SLC12A1: variants seen among roughly 807,000 people sequenced by gnomAD.
The protein encoded by SLC12A1 is solute carrier family 12 member 1, also known as Na-K-2Cl cotransporter.
A neutral mutation model predicts 130.4 loss-of-function variants in SLC12A1; 89 were observed. The ratio of observed to expected loss-of-function variants is 0.68; its 90% CI spans 0.58 to 0.81. The LOEUF (loss-of-function observed/expected upper bound fraction) is 0.81, where lower values mean the gene tolerates loss of function less well. Ranked by LOEUF, SLC12A1 falls within the 40% of genes least tolerant of loss-of-function variation. The pLI is 0.00. For synonymous variants in SLC12A1, 499 were observed against 460.0 expected (o/e 1.08, Z -1.09); for missense variants, 1,310 against 1,336.4 (o/e 0.98, Z 0.31).
chr15:48,210,997 T>G (rs1274540966), intron 2 of SLC12A1, among the ~76,000 whole-genome samples: 2 of 152,182 alleles, frequency 1.3e-5, no homozygotes, highest in African/African-American at 4.8e-5. Context: ...AAGACTGAAC[T>G]TCGACTTAAA....
chr15:48,225,311 A>G (rs1239103381), intron 4 of SLC12A1: 1 of 152,202 alleles, frequency 6.6e-6, no homozygotes, highest in Non-Finnish European at 1.5e-5. Flanking sequence ...CTCCACCTCT[A>G]TGTGACCAAA....
chr15:48,231,569 G>A (rs577584571), intron 7 of SLC12A1, among the ~76,000 whole-genome samples: 28 of 151,984 alleles, frequency 1.8e-4, no homozygotes, highest in Admixed American at 3.3e-4. Flanking sequence ...TTAACCTCTC[G>A]GTGCTTCAGT....
intron 4 of SLC12A1, chr15:48,224,016 G>GCC (rs1302965852): frequency 6.6e-6 from 1 of 152,354 alleles, no homozygotes; most frequent in East Asian, 1.9e-4. Flanking sequence ...TCCCACTGCT[G>GCC]CCCTTAACCT....
At position 48,241,586 on chromosome 15, in the gene SLC12A1, T is replaced by C; in HGVS notation, c.1287T>C (p.Val429=). ...TCACCACTGTTGCCTACTTAGGGGT[T>C]GCAATTTGTGTAGGTAAGTGGTACG... The part of the protein sequence containing the change: ...IFITTVAYLG[V]AICVGACVVR... The change falls in exon 10 of 27, where the codon GTT becomes GTC. Residue 429 remains valine, a synonymous_variant. Transcript: ENST00000380993. 5 of 1,613,166 alleles carry C rather than the reference T, an allele frequency of 3.1e-6. No homozygotes were observed. The highest frequency in any genetic ancestry group is 4.2e-6 in the Non-Finnish European group (5 of 1,179,160).
chr15:48,235,125 C>A (rs967090231), intron 9 of SLC12A1, 121 bp downstream of exon 9: 45 of 1,038,864 alleles, frequency 4.3e-5, no homozygotes, highest in Non-Finnish European at 7.4e-6. Flanking sequence ...TAGGTTTCTG[C>A]AAGATTTCCT....
At chr15:48,263,593 T>C (rs2041798907) in intron 17 of SLC12A1, among the ~76,000 whole-genome samples, 2 of 152,094 alleles carry the variant, frequency 1.3e-5, no homozygotes, top group African/African-American at 4.8e-5. Flanking sequence ...TTTTCCTAAT[T>C]AATGACTGTT....
At chr15:48,286,581 G>GGAA (rs1188360679) in intron 21 of SLC12A1, among the ~76,000 whole-genome samples, 1 of 152,144 alleles carries the variant, frequency 6.6e-6, no homozygotes, top group African/African-American at 2.4e-5. Flanking sequence ...CTAGAGAGAG[G>GGAA]GAAGCATTAA....
chr15:48,290,598 T>C (rs2042108911), intron 23 of SLC12A1, among the ~76,000 whole-genome samples: 1 of 152,144 alleles, frequency 6.6e-6, no homozygotes, highest in Admixed American at 6.6e-5. Flanking sequence ...ACGACATCAC[T>C]AGGTGATAGG....
chr15:48,278,161 G>A (rs1017217073), intron 20 of SLC12A1, among the ~76,000 whole-genome samples: 1 of 152,124 alleles, frequency 6.6e-6, no homozygotes, highest in Non-Finnish European at 1.5e-5. Flanking sequence ...GAGCACTTAC[G>A]TGAACCCGGG....
At chr15:48,242,292 A>G (rs2141051145) in intron 10 of SLC12A1, among the ~76,000 whole-genome samples, 1 of 152,306 alleles carries the variant, frequency 6.6e-6, no homozygotes, top group South Asian at 2.1e-4. Flanking sequence ...CCCAACATTT[A>G]GAGAAGAAAA....
At chr15:48,282,652 T>G (rs2042020172) in intron 20 of SLC12A1, among the ~76,000 whole-genome samples, 1 of 152,120 alleles carries the variant, frequency 6.6e-6, no homozygotes, top group Non-Finnish European at 1.5e-5. Flanking sequence ...CAACAAAGTC[T>G]GGGTACCAGT....
intron 2 of SLC12A1, among the ~76,000 whole-genome samples, chr15:48,220,179 A>ATAGT (rs2041191845): frequency 6.6e-6 from 1 of 151,630 alleles, no homozygotes; most frequent in Admixed American, 6.6e-5. Flanking sequence ...AGATAGATAG[A>ATAGT]TAGATAAAAT....
chr15:48,207,765 A>G lies in SLC12A1; in HGVS notation c.46A>G (p.Ser16Gly). The change falls in exon 2 of 27, where the codon AGT (serine) becomes GGT (glycine). Residue 16 changes from serine (S) to glycine (G), a missense_variant. Transcript: ENST00000380993. The stretch of plus-strand genomic sequence containing the variant: ...CAATGTATTTCTGGATTCAGTGCCC[A>G]GTAATACCAATCGCTTTCAAGTTAG... ...SSNVFLDSVPSNTNRFQVSVI... is the reference protein window; with the variant it reads ...SSNVFLDSVPGNTNRFQVSVI... 1 of 1,611,242 alleles carries G rather than the reference A, an allele frequency of 6.2e-7. No homozygotes were observed. The highest frequency in any genetic ancestry group is 1.1e-5 in the South Asian group (1 of 90,402).
At chr15:48,251,353 C>G (rs2041646186) in intron 14 of SLC12A1, among the ~76,000 whole-genome samples, 1 of 151,664 alleles carries the variant, frequency 6.6e-6, no homozygotes, top group Admixed American at 6.6e-5. Context: ...CAGTCGGGAG[C>G]ACGGAGTATG....
intron 18 of SLC12A1, 146 bp downstream of exon 18, chr15:48,267,847 G>C (rs886765003): frequency 2.5e-6 from 2 of 802,650 alleles, no homozygotes; most frequent in Admixed American, 4.9e-5. Context: ...TGAATTCCTG[G>C]GTATAGGCAA....
chr15:48,301,511 G>GGGGGGGGGGGCCC, intron 26 of SLC12A1, 129 bp downstream of exon 26: 1 of 478,136 alleles, frequency 2.1e-6, no homozygotes, highest in Non-Finnish European at 3.5e-6. Flanking sequence ...TTGGGGGGGG[G>GGGGGGGGGGGCCC]AACACGTGGG....
intron 23 of SLC12A1, among the ~76,000 whole-genome samples, chr15:48,288,795 T>C (rs76793491): frequency 4.4e-3 from 666 of 152,296 alleles, no homozygotes; most frequent in Non-Finnish European, 5.7e-3. Flanking sequence ...AGCTTCGTTA[T>C]CTCATATAAT....
intron 9 of SLC12A1, among the ~76,000 whole-genome samples, chr15:48,241,062 T>C (rs2041510319): frequency 6.6e-6 from 1 of 152,290 alleles, no homozygotes; most frequent in African/African-American, 2.4e-5. Flanking sequence ...TCCTTTTTAC[T>C]CAGTCAAAAG....
chr15:48,217,730 G>C (rs981541805), intron 2 of SLC12A1: 1 of 152,168 alleles, frequency 6.6e-6, no homozygotes, highest in African/African-American at 2.4e-5. Context: ...TAAGAAACTA[G>C]GATATCTGCT....
Sources: allele counts gnomAD v4.1 joint callset (sites outside exome capture counted in the v4.1 genomes callset), GRCh38; gene constraint gnomAD v4.1.1; transcripts MANE v1.5; gene names NCBI Gene and HGNC (gene_info 2026-07-23, HGNC 2026-07-21).